The following CDH9 variants were observed in gnomAD, a reference collection of about 807,000 sequenced individuals.
The protein encoded by CDH9 is cadherin 9.
A neutral mutation model predicts 70.9 loss-of-function variants in CDH9; 28 were observed. The observed-to-expected ratio is 0.40, with a 90% CI of 0.29 to 0.54. CDH9 has a LOEUF of 0.54. Ranked by LOEUF, CDH9 falls within the 20% of genes least tolerant of loss-of-function variation. The pLI is 0.59. For missense variants in CDH9, 874 were observed against 984.4 expected, an observed-to-expected ratio of 0.89 and a Z score of 1.50; for synonymous variants, 409 against 343.1, an observed-to-expected ratio of 1.19 and a Z score of -2.12.
chr5:26,933,168 T>C (rs1019146824), intron 2 of CDH9, among the ~76,000 whole-genome samples: 12 of 147,824 alleles, frequency 8.1e-5, no homozygotes, highest in Admixed American at 2.0e-4. Flanking sequence ...TTAATAAATA[T>C]ATATGATTTT....
At chr5:26,943,536 C>T (rs997395572) in intron 2 of CDH9, among the ~76,000 whole-genome samples, 2 of 149,130 alleles carry the variant, frequency 1.3e-5, no homozygotes, top group African/African-American at 4.9e-5. Context: ...AAAGCTAACT[C>T]AGGAATCTCA....
chr5:26,924,583 T>TGCACA (rs1741303646), intron 2 of CDH9, among the ~76,000 whole-genome samples: 2 of 151,436 alleles, frequency 1.3e-5, no homozygotes, highest in Admixed American at 1.3e-4. Flanking sequence ...AGTTCTAGAG[T>TGCACA]ACATGTGCAC....
At chr5:27,015,662 TTAA>T (rs1418265479) in intron 1 of CDH9, among the ~76,000 whole-genome samples, 17 of 151,868 alleles carry the variant, frequency 1.1e-4, no homozygotes, top group Non-Finnish European at 1.5e-4. Flanking sequence ...TTCTTAAATA[TTAA>T]TAATGATTCC....
At chr5:26,964,448 T>G (rs1302438161) in intron 2 of CDH9, among the ~76,000 whole-genome samples, 3 of 152,098 alleles carry the variant, frequency 2.0e-5, no homozygotes, top group African/African-American at 7.2e-5. Flanking sequence ...TCAGGAAAAT[T>G]AAGTGTGTCG....
chr5:26,925,603 T>G (rs1341410000), intron 2 of CDH9, among the ~76,000 whole-genome samples: 1 of 152,184 alleles, frequency 6.6e-6, no homozygotes, highest in Non-Finnish European at 1.5e-5. Flanking sequence ...CTTTTGATGT[T>G]TTAGTCCTGA....
intron 2 of CDH9, among the ~76,000 whole-genome samples, chr5:26,963,145 T>C (rs1742067994): frequency 6.6e-6 from 1 of 152,162 alleles, no homozygotes. Context: ...CGCATTAGAA[T>C]TAATCACATA....
chr5:26,901,730 C>A (rs962389583), intron 7 of CDH9, among the ~76,000 whole-genome samples: 7 of 151,632 alleles, frequency 4.6e-5, no homozygotes, highest in Admixed American at 2.0e-4. Flanking sequence ...TCTATATATG[C>A]CCCAACTATA....
chr5:27,003,319 A>G lies in CDH9; in HGVS notation c.-49-14937T>C, dbSNP rs1050448500. Reference sequence around the variant, plus strand: ...GGGCAAGGAGATAATTTCTCTTAAAAATGAATTCTAAATAATGTATGTGAA... The same window carrying G: ...GGGCAAGGAGATAATTTCTCTTAAAGATGAATTCTAAATAATGTATGTGAA... On this transcript the variant is annotated intron_variant, in intron 1 of 11. Transcript: ENST00000231021. 4.6e-5 allele frequency among the ~76,000 whole-genome samples: 7 copies of G among 152,142 alleles called. No homozygotes were observed. The South Asian group carries it at 1.4e-3, about 31-fold the overall frequency.
chr5:26,948,203 C>A (rs1343297946), intron 2 of CDH9, among the ~76,000 whole-genome samples: 1 of 152,124 alleles, frequency 6.6e-6, no homozygotes, highest in East Asian at 1.9e-4. Context: ...AAGGAAACAG[C>A]AAGAACAACA....
chr5:26,924,391 G>T (rs1475649905), intron 2 of CDH9, among the ~76,000 whole-genome samples: 3 of 151,524 alleles, frequency 2.0e-5, no homozygotes, highest in Non-Finnish European at 4.4e-5. Flanking sequence ...GAATGAGACT[G>T]CAGTTGTGCT....
In CDH9 at chr5:26,889,539, AG is replaced by A. The variant is rs796112657; in HGVS notation, c.1512+296del. Among the ~76,000 whole-genome samples, 35 of 152,276 alleles carry A rather than the reference AG, an allele frequency of 2.3e-4. 2 individuals carry two copies. The highest frequency in any genetic ancestry group is 8.2e-4 in the African/African-American group (34 of 41,574). ...CTATTAGTGAAGATAACTCAGCATA[AG>A]CATAATTATGAATGCAGGTAACAGC... On this transcript the variant is annotated intron_variant, in intron 9 of 11. Transcript: ENST00000231021.
chr5:26,907,744 A>G (rs1231965331), intron 3 of CDH9, among the ~76,000 whole-genome samples: 2 of 152,094 alleles, frequency 1.3e-5, no homozygotes, highest in South Asian at 2.1e-4. Context: ...AATGAAGCCT[A>G]CTAGGTTTGC....
chr5:26,996,062 AAAATT>A (rs1470446663), intron 1 of CDH9, among the ~76,000 whole-genome samples: 2 of 152,032 alleles, frequency 1.3e-5, no homozygotes, highest in East Asian at 3.8e-4. Context: ...ATGCACATCT[AAAATT>A]AAATTAAATT....
intron 2 of CDH9, among the ~76,000 whole-genome samples, chr5:26,923,542 A>T (rs777267594): frequency 2.6e-5 from 4 of 152,070 alleles, no homozygotes; most frequent in African/African-American, 4.8e-5. Flanking sequence ...ACAAAGAAAC[A>T]TTGGAACTTA....
chr5:26,887,952 G>A lies in CDH9; in HGVS notation c.1513-1869C>T, dbSNP rs1231624382. 5.9e-5 allele frequency among the ~76,000 whole-genome samples: 9 copies of A among 152,222 alleles called. No homozygotes were observed. The East Asian group carries it at 9.7e-4, about 16-fold the overall frequency. ...GAGAGAGCATAGATAGCCCTGCTGCGTGTTAATTTTATACTTCCAGCCTCC... is the reference window on the plus strand; with the variant it reads ...GAGAGAGCATAGATAGCCCTGCTGCATGTTAATTTTATACTTCCAGCCTCC... On this transcript the variant is annotated intron_variant, in intron 9 of 11. Transcript: ENST00000231021.
chr5:27,004,698 G>A (rs1338843304), intron 1 of CDH9, among the ~76,000 whole-genome samples: 1 of 152,126 alleles, frequency 6.6e-6, no homozygotes, highest in Non-Finnish European at 1.5e-5. Context: ...TGTTCAGGTT[G>A]TGTGTGGGAG....
chr5:27,003,983 T>G (rs1742815092), intron 1 of CDH9, among the ~76,000 whole-genome samples: 1 of 151,802 alleles, frequency 6.6e-6, no homozygotes, highest in African/African-American at 2.4e-5. Context: ...AGCTTCTCAG[T>G]TTTTATGTAA....
At chr5:26,983,574 C>T (rs1367491337) in intron 2 of CDH9, among the ~76,000 whole-genome samples, 5 of 152,046 alleles carry the variant, frequency 3.3e-5, no homozygotes, top group African/African-American at 4.8e-5. Flanking sequence ...GTCCTTAAAG[C>T]GTAGTCATAA....
chr5:26,965,565 G>A (rs541888031), intron 2 of CDH9, among the ~76,000 whole-genome samples: 1 of 134,272 alleles, frequency 7.4e-6, no homozygotes, highest in African/African-American at 2.9e-5. Context: ...GACAGAGTGA[G>A]ACTCTGTCTT....
Sources: allele counts gnomAD v4.1 joint callset (sites outside exome capture counted in the v4.1 genomes callset), GRCh38; gene constraint gnomAD v4.1.1; transcripts MANE v1.5; gene names NCBI Gene and HGNC (gene_info 2026-07-23, HGNC 2026-07-21).